KIAA0825: variants seen among roughly 807,000 people sequenced by gnomAD.
KIAA0825 encodes the protein KIAA0825.
KIAA0825 carries 119 observed loss-of-function variants against 147.6 expected under a neutral mutation model. The observed-to-expected ratio is 0.81, with a 90% CI of 0.69 to 0.94. The LOEUF is 0.94. Ranked by LOEUF, KIAA0825 falls within the 40% of genes least tolerant of loss-of-function variation. The pLI, the probability that KIAA0825 is intolerant of heterozygous loss-of-function variation, is 0.00. For missense variants in KIAA0825, 1,381 were observed against 1,472.7 expected (o/e 0.94, Z 1.02); for synonymous variants, 470 against 518.1 (o/e 0.91, Z 1.26).
intron 14 of KIAA0825, 27 bp downstream of exon 14, chr5:94,439,955 G>T: frequency 6.5e-7 from 1 of 1,528,298 alleles, no homozygotes. Flanking sequence ...GTTTTTCGAG[G>T]ACATTCTTAT....
At chr5:94,450,869 A>G (rs961124127) in intron 13 of KIAA0825, among the ~76,000 whole-genome samples, 1 of 152,204 alleles carries the variant, frequency 6.6e-6, no homozygotes, top group Non-Finnish European at 1.5e-5. Flanking sequence ...ACCTGTTAAC[A>G]TCATCCTGAA....
intron 15 of KIAA0825, chr5:94,414,963 C>T (rs2150699201): frequency 6.6e-6 from 1 of 152,356 alleles, no homozygotes; most frequent in African/African-American, 2.4e-5. Flanking sequence ...ATCCATCCCC[C>T]TCCTGGTGGA....
At chr5:94,433,201 A>T (rs909303859) in intron 14 of KIAA0825, among the ~76,000 whole-genome samples, 2 of 151,782 alleles carry the variant, frequency 1.3e-5, no homozygotes, top group African/African-American at 4.8e-5. Flanking sequence ...CTAATTTTTT[A>T]TATTTTTAGT....
chr5:94,497,466 T>A (rs1467350517), intron 5 of KIAA0825, among the ~76,000 whole-genome samples: 1 of 152,176 alleles, frequency 6.6e-6, no homozygotes, highest in Non-Finnish European at 1.5e-5. Flanking sequence ...TTAGCATAAA[T>A]AGGTGGAAAG....
intron 2 of KIAA0825, among the ~76,000 whole-genome samples, chr5:94,577,660 T>C (rs1781328288): frequency 6.6e-6 from 1 of 152,156 alleles, no homozygotes; most frequent in African/African-American, 2.4e-5. Context: ...ACTTCACACA[T>C]AGGTATATTT....
In KIAA0825 at chr5:94,524,757, T is replaced by C. The variant is rs75650942; in HGVS notation, c.132-659A>G. 7.0e-3 allele frequency among the ~76,000 whole-genome samples: 1,065 copies of C among 151,860 alleles called. 8 individuals are homozygous for C. The highest frequency in any genetic ancestry group is 0.024 in the African/African-American group (1,016 of 41,528). The stretch of plus-strand genomic sequence containing the variant: ...AATTAGGTAAGTTTTAAATTTTACT[T>C]TTCCATATTTTCTAAATATTTATAA... On this transcript the variant is annotated intron_variant, in intron 3 of 20. Coordinates refer to ENST00000682413, the MANE Select transcript of KIAA0825 (RefSeq NM_001145678.3).
intron 14 of KIAA0825, among the ~76,000 whole-genome samples, chr5:94,425,116 T>C (rs1049483233): frequency 6.6e-6 from 1 of 152,118 alleles, no homozygotes; most frequent in African/African-American, 2.4e-5. Flanking sequence ...GAAGGGAATG[T>C]TTCTTAACTC....
intron 13 of KIAA0825, among the ~76,000 whole-genome samples, chr5:94,444,412 C>T (rs896329173): frequency 9.9e-5 from 15 of 152,082 alleles, no homozygotes; most frequent in South Asian, 2.1e-4. Context: ...AAGGGAGCAG[C>T]GAAGTGTATC....
At chr5:94,591,638 T>C (rs976019029) in intron 1 of KIAA0825, among the ~76,000 whole-genome samples, 3 of 152,216 alleles carry the variant, frequency 2.0e-5, no homozygotes, top group African/African-American at 7.2e-5. Context: ...CTAATATGAA[T>C]GCATAGCGAA....
chr5:94,357,346 G>C (rs912188560), intron 20 of KIAA0825, among the ~76,000 whole-genome samples: 1 of 152,016 alleles, frequency 6.6e-6, no homozygotes, highest in African/African-American at 2.4e-5. Context: ...GAATAAAGGA[G>C]AGTAAATAAG....
At chr5:94,614,868 T>C in intron 1 of KIAA0825, among the ~76,000 whole-genome samples, 1 of 152,180 alleles carries the variant, frequency 6.6e-6, no homozygotes, top group East Asian at 1.9e-4. Flanking sequence ...ATTTTTCATA[T>C]CCACTAATCT....
chr5:94,611,004 T>C (rs1279590319), intron 1 of KIAA0825, among the ~76,000 whole-genome samples: 1 of 152,002 alleles, frequency 6.6e-6, no homozygotes, highest in East Asian at 1.9e-4. Context: ...GTGGCATGAC[T>C]GCTAGTTGCT....
At chr5:94,554,458 G>C (rs1298209024) in intron 2 of KIAA0825, among the ~76,000 whole-genome samples, 1 of 151,852 alleles carries the variant, frequency 6.6e-6, no homozygotes, top group Non-Finnish European at 1.5e-5. Context: ...ATATGCACCA[G>C]CCTTTTCTTC....
intron 20 of KIAA0825, among the ~76,000 whole-genome samples, chr5:94,257,041 A>G (rs917430011): frequency 7.9e-5 from 12 of 152,306 alleles, no homozygotes; most frequent in African/African-American, 2.9e-4. Context: ...CTTTCTAAAA[A>G]GAAAAAAAGG....
chr5:94,327,390 A>G (rs1780805168), intron 20 of KIAA0825, among the ~76,000 whole-genome samples: 2 of 151,664 alleles, frequency 1.3e-5, no homozygotes, highest in Admixed American at 6.6e-5. Context: ...TTCTTATTCT[A>G]TAGGCAATTC....
At chr5:94,319,327 A>T (rs62364572) in intron 20 of KIAA0825, among the ~76,000 whole-genome samples, 8,445 of 151,882 alleles carry the variant, frequency 0.056, 352 homozygotes, top group South Asian at 0.19. Context: ...AGGCCCCCAG[A>T]TCTCAATCCA....
chr5:94,233,467 C>G (rs867966688), intron 20 of KIAA0825, among the ~76,000 whole-genome samples: 1 of 152,144 alleles, frequency 6.6e-6, no homozygotes, highest in African/African-American at 2.4e-5. Context: ...GTGCATTAGT[C>G]AACTTGACAC....
chr5:94,410,389 G>A (rs1162602505), intron 15 of KIAA0825, among the ~76,000 whole-genome samples: 1 of 152,122 alleles, frequency 6.6e-6, no homozygotes, highest in Non-Finnish European at 1.5e-5. Flanking sequence ...AAGTGGGAGG[G>A]GGAGTGAAGT....
At position 94,426,020 on chromosome 5, in the gene KIAA0825, G is replaced by GTATTATTATTATTAT. The variant is rs148552259; in HGVS notation, c.2498-8656_2498-8655insATAATAATAATAATA. Among the ~76,000 whole-genome samples the GTATTATTATTATTAT allele has an allele frequency of 1.3e-3, 193 of 147,928 alleles. 2 individuals are homozygous for GTATTATTATTATTAT. Among genetic ancestry groups the GTATTATTATTATTAT allele is most frequent in the East Asian group, 3.6e-3 (18 of 5,062 alleles). ...ATGCCACTATGCCTGGATAATTTTT[G>GTATTATTATTATTAT]TATTATTATTATCATTATTATTATT... is the stretch of plus-strand genomic sequence containing the variant. On this transcript the variant is annotated intron_variant, in intron 14 of 20. Coordinates refer to ENST00000682413, the MANE Select transcript of KIAA0825 (RefSeq NM_001145678.3).
Sources: allele counts gnomAD v4.1 joint callset (sites outside exome capture counted in the v4.1 genomes callset), GRCh38; gene constraint gnomAD v4.1.1; transcripts MANE v1.5; gene names NCBI Gene and HGNC (gene_info 2026-07-23, HGNC 2026-07-21).